The following KIF6 variants were observed in gnomAD, a reference collection of about 807,000 sequenced individuals.
KIF6 encodes kinesin-like protein KIF6.
KIF6 carries 106 observed loss-of-function variants against 112.7 expected under a neutral mutation model. That is an observed-to-expected ratio of 0.94 (90% CI 0.80 to 1.11). KIF6 has a LOEUF of 1.11. Ranked by LOEUF, KIF6 falls within the 50% of genes least tolerant of loss-of-function variation. The pLI is 0.00. For synonymous variants in KIF6, 339 were observed against 339.9 expected, an observed-to-expected ratio of 1.00 and a Z score of 0.03; for missense variants, 929 against 964.0, an observed-to-expected ratio of 0.96 and a Z score of 0.48.
chr6:39,647,133 A>G (rs1052369172), intron 3 of KIF6, among the ~76,000 whole-genome samples: 4 of 152,236 alleles, frequency 2.6e-5, no homozygotes, highest in Non-Finnish European at 5.9e-5. Flanking sequence ...CAGTTTTGCC[A>G]TATATAAAAA....
Position 39,518,798 on chromosome 6 carries a change from G to A in KIF6, c.1645+21205C>T, listed in dbSNP as rs551706770. ...TGAGGTCATTCGTATGCTGCAAAAT[G>A]TCACTCCAGTCATTCAAATGGTAAA... is the stretch of plus-strand genomic sequence containing the variant. On this transcript the variant is annotated intron_variant, in intron 13 of 22. Coordinates refer to ENST00000287152, the MANE Select transcript of KIF6 (RefSeq NM_145027.6). 2.6e-5 allele frequency among the ~76,000 whole-genome samples: 4 copies of A among 152,252 alleles called. No individual in the cohort carries two copies. In the South Asian group the frequency reaches 8.3e-4, roughly 32 times the overall value.
At chr6:39,616,972 C>T (rs1027515624) in intron 5 of KIF6, among the ~76,000 whole-genome samples, 8 of 152,082 alleles carry the variant, frequency 5.3e-5, no homozygotes, top group Non-Finnish European at 1.0e-4. Context: ...CTTAATCTAC[C>T]ACTTGGTTCT....
At chr6:39,466,892 C>T (rs1170220357) in intron 13 of KIF6, among the ~76,000 whole-genome samples, 2 of 152,210 alleles carry the variant, frequency 1.3e-5, no homozygotes, top group Non-Finnish European at 2.9e-5. Flanking sequence ...GTGATGGCTC[C>T]ATGCCAGGAG....
At chr6:39,453,372 G>T (rs1772829576) in intron 13 of KIF6, among the ~76,000 whole-genome samples, 1 of 152,172 alleles carries the variant, frequency 6.6e-6, no homozygotes, top group African/African-American at 2.4e-5. Flanking sequence ...TTTCTGGAAT[G>T]GTTTGAGATT....
At chr6:39,419,420 T>G (rs1770181999) in intron 15 of KIF6, among the ~76,000 whole-genome samples, 1 of 151,078 alleles carries the variant, frequency 6.6e-6, no homozygotes, top group African/African-American at 2.4e-5. Context: ...TGCCTTAACT[T>G]CACCTTTGCA....
chr6:39,650,104 A>C (rs1785395855), intron 3 of KIF6, among the ~76,000 whole-genome samples: 1 of 152,162 alleles, frequency 6.6e-6, no homozygotes, highest in African/African-American at 2.4e-5. Flanking sequence ...GGCTTTGTTC[A>C]CAGTCTTGTC....
chr6:39,455,916 G>A (rs1462347301), intron 13 of KIF6, among the ~76,000 whole-genome samples: 1 of 99,344 alleles, frequency 1.0e-5, no homozygotes, highest in Non-Finnish European at 2.0e-5. Flanking sequence ...AAAGTGATGC[G>A]GAGAATGGAA....
chr6:39,664,894 AAG>A (rs1254385769), intron 3 of KIF6, among the ~76,000 whole-genome samples: 6 of 152,180 alleles, frequency 3.9e-5, no homozygotes, highest in African/African-American at 1.4e-4. Context: ...ACATTTTTAA[AAG>A]GGAATTTATT....
At position 39,335,678 on chromosome 6, in the gene KIF6, T is replaced by C. The variant is rs1460692161; in HGVS notation, c.*854A>G. 2 of 152,074 alleles carry C rather than the reference T, an allele frequency of 1.3e-5. No homozygotes were observed. The highest frequency in any genetic ancestry group is 2.9e-5 in the Non-Finnish European group (2 of 68,008). 9.4% of individuals were successfully genotyped at this position (152,074 alleles called of 1,614,324 possible). ...GAACCTCCTTGAGGGCTGCCCACCTTCCCTTGGATCTGTCATGGAGAGGGC... is the reference window on the plus strand; with the variant it reads ...GAACCTCCTTGAGGGCTGCCCACCTCCCCTTGGATCTGTCATGGAGAGGGC... On this transcript the variant is annotated 3_prime_UTR_variant, in exon 23 of 23. Coordinates refer to ENST00000287152, the MANE Select transcript of KIF6 (RefSeq NM_145027.6).
rs570605319 is a variant in KIF6, at chr6:39,535,117, T to C, written c.1645+4886A>G. Among the ~76,000 whole-genome samples, 23 of 152,232 alleles carry C rather than the reference T, an allele frequency of 1.5e-4. 1 individual carries two copies. Among genetic ancestry groups the C allele is most frequent in the Admixed American group, 1.4e-3 (22 of 15,294 alleles). On this transcript the variant is annotated intron_variant, in intron 13 of 22. Transcript: ENST00000287152. ...CAGCCACTGCAAAATCATGCCAAAA[T>C]GTAAAGACCATAGAGACTAGGAAGA...
chr6:39,457,578 A>C (rs1212032042), intron 13 of KIF6, among the ~76,000 whole-genome samples: 1 of 152,002 alleles, frequency 6.6e-6, no homozygotes, highest in Non-Finnish European at 1.5e-5. Flanking sequence ...CAATGAATCC[A>C]GGAGCTGGTT....
chr6:39,639,309 G>A (rs1163618466), intron 4 of KIF6, among the ~76,000 whole-genome samples: 1 of 152,032 alleles, frequency 6.6e-6, no homozygotes, highest in Non-Finnish European at 1.5e-5. Context: ...GTTTCTTGAG[G>A]AATATAAGAT....
At chr6:39,404,811 G>T (rs572029896) in intron 15 of KIF6, among the ~76,000 whole-genome samples, 2 of 151,728 alleles carry the variant, frequency 1.3e-5, no homozygotes, top group African/African-American at 4.8e-5. Context: ...ACATTTTTTT[G>T]CCTCCATTTA....
chr6:39,361,918 T>C (rs959163012), intron 17 of KIF6, among the ~76,000 whole-genome samples: 1 of 152,156 alleles, frequency 6.6e-6, no homozygotes, highest in Non-Finnish European at 1.5e-5. Context: ...ATGGAGGAGA[T>C]AGCACACATG....
chr6:39,500,739 T>C (rs1348842041), intron 13 of KIF6, among the ~76,000 whole-genome samples: 1 of 152,044 alleles, frequency 6.6e-6, no homozygotes, highest in African/African-American at 2.4e-5. Context: ...GTTGTTATCA[T>C]AGGGTCATCT....
intron 14 of KIF6, among the ~76,000 whole-genome samples, chr6:39,424,649 A>G (rs1770635735): frequency 6.6e-6 from 1 of 152,220 alleles, no homozygotes; most frequent in Admixed American, 6.5e-5. Context: ...TTCTAGGATT[A>G]GAATGAGATG....
chr6:39,496,629 T>C (rs1006344051), intron 13 of KIF6, among the ~76,000 whole-genome samples: 1 of 152,182 alleles, frequency 6.6e-6, no homozygotes, highest in Non-Finnish European at 1.5e-5. Context: ...TCTATTTTTA[T>C]GAGAAAATCT....
Position 39,343,787 on chromosome 6 carries a change from G to A in KIF6, c.2350C>T (p.Pro784Ser). ...TCCGTCTGGCTGTCTCCGGTGAGAGGGATGGACGACACTGGCCTCTTGGGG... is the reference window on the plus strand; with the variant it reads ...TCCGTCTGGCTGTCTCCGGTGAGAGAGATGGACGACACTGGCCTCTTGGGG... ...SIPKRPVSSI[P>S]LTGDSQTDSD... is the part of the protein sequence containing the mutation. Residue 784 changes from proline (P) to serine (S), a missense_variant, in exon 22 of 23, where the codon CCT becomes TCT. Coordinates refer to ENST00000287152, the MANE Select transcript of KIF6 (RefSeq NM_145027.6). The surrounding 1 kb of genome is among the most constrained non-coding windows in gnomAD (Gnocchi z 4.1). 1 of 1,612,378 alleles carries A rather than the reference G, an allele frequency of 6.2e-7. No homozygotes were observed. Among genetic ancestry groups the A allele is most frequent in the Admixed American group, 1.7e-5 (1 of 59,686 alleles).
intron 10 of KIF6, among the ~76,000 whole-genome samples, chr6:39,560,614 C>T (rs913640223): frequency 4.6e-5 from 7 of 152,172 alleles, no homozygotes; most frequent in African/African-American, 9.7e-5. Flanking sequence ...TTCTATTCCC[C>T]GCAATTACCC....
Sources: gnomAD v4.1 joint callset for allele counts (sites outside exome capture counted in the v4.1 genomes callset) on GRCh38, gnomAD v4.1.1 for gene constraint, Gnocchi (gnomAD v3.1) non-coding constraint, MANE v1.5 for transcripts, NCBI Gene and HGNC (gene_info 2026-07-23, HGNC 2026-07-21) for gene names.